Variants in FAM168A observed in about 807,000 individuals in gnomAD.
The protein encoded by FAM168A is protein FAM168A.
In FAM168A, 3 loss-of-function variants were observed where a neutral mutation model predicts 28.5. The observed-to-expected ratio is 0.11, with a 90% CI of 0.05 to 0.27. The LOEUF is 0.27. FAM168A is among the 10% of genes least tolerant of loss of function. FAM168A has a pLI of 1.00. For synonymous variants in FAM168A, 122 were observed against 124.2 expected (o/e 0.98, Z 0.12); for missense variants, 222 against 311.5 (o/e 0.71, Z 2.16).
At chr11:73,572,641 G>C (rs892323696) in intron 1 of FAM168A, among the ~76,000 whole-genome samples, 2 of 149,624 alleles carry the variant, frequency 1.3e-5, no homozygotes, top group African/African-American at 5.0e-5. Flanking sequence ...TAAGGGCGGT[G>C]CAAGATGTGC....
chr11:73,430,753 G>A lies in FAM168A; in HGVS notation c.88C>T (p.Pro30Ser). 6.2e-7 allele frequency: 1 copy of A among 1,613,022 alleles called. No homozygotes were observed. Among genetic ancestry groups the A allele is most frequent in the Non-Finnish European group, 8.5e-7 (1 of 1,179,396 alleles). The change falls in exon 3 of 8, where the codon CCA becomes TCA. Residue 30 changes from proline (P) to serine (S), a missense_variant. Transcript: ENST00000356467. The stretch of plus-strand genomic sequence containing the variant: ...GGATTGTAGGCAGGGGCAGCTGCTG[G>A]ATAGGCTGTGGGGTAACCTACAGAG... ...MAYTGYPTAY[P>S]AAAPAYNPSL...
chr11:73,430,568 G>T, intron 3 of FAM168A, 122 bp downstream of exon 3: 1 of 893,696 alleles, frequency 1.1e-6, no homozygotes, highest in Non-Finnish European at 1.9e-6. Flanking sequence ...GGAAAATCCA[G>T]CCTGGAGAGG....
chr11:73,407,364 A>G (rs1866524589), intron 7 of FAM168A, 149 bp downstream of exon 7: 1 of 525,250 alleles, frequency 1.9e-6, no homozygotes. Context: ...TAAGAGTGAT[A>G]TTATGGACCT....
rs140528802 is a variant in FAM168A, at chr11:73,451,754, G to A, written c.70+16651C>T. Among the ~76,000 whole-genome samples the A allele has an allele frequency of 2.2e-3, 334 of 152,314 alleles. 9 individuals carry two copies. In the East Asian group the frequency reaches 0.05, roughly 23 times the overall value. On this transcript the variant is annotated intron_variant, in intron 2 of 7. Transcript: ENST00000356467. ...TGTGTAAGTAGGCTGTACCATCTAC[G>A]TCTGTGTAAGTACACTCCATTATAT...
At chr11:73,427,902 G>A (rs1348296233) in intron 3 of FAM168A, among the ~76,000 whole-genome samples, 1 of 152,162 alleles carries the variant, frequency 6.6e-6, no homozygotes, top group Non-Finnish European at 1.5e-5. Flanking sequence ...ACCCTGCTCT[G>A]TTATCTTTTG....
At chr11:73,561,562 G>T (rs1026499526) in intron 1 of FAM168A, among the ~76,000 whole-genome samples, 2 of 151,850 alleles carry the variant, frequency 1.3e-5, no homozygotes, top group East Asian at 3.9e-4. Flanking sequence ...TCAATCCCTT[G>T]TGGAATAAAT....
intron 1 of FAM168A, among the ~76,000 whole-genome samples, chr11:73,496,873 T>A (rs900684677): frequency 7.1e-6 from 1 of 140,132 alleles, no homozygotes; most frequent in Non-Finnish European, 1.6e-5. Flanking sequence ...TATGTTCTTA[T>A]CACACACACA....
chr11:73,543,171 G>A (rs567943845), intron 1 of FAM168A, among the ~76,000 whole-genome samples: 56 of 151,490 alleles, frequency 3.7e-4, no homozygotes, highest in Middle Eastern at 6.9e-3. Context: ...TGAAAGCACG[G>A]ACTTTATTTT....
chr11:73,433,643 T>A (rs780391590), intron 2 of FAM168A, among the ~76,000 whole-genome samples: 1 of 152,160 alleles, frequency 6.6e-6, no homozygotes, highest in Non-Finnish European at 1.5e-5. Flanking sequence ...TAATTACATA[T>A]TCTTCAAAAG....
chr11:73,505,493 T>G (rs78983749), intron 1 of FAM168A, among the ~76,000 whole-genome samples: 5,962 of 152,252 alleles, frequency 0.039, 399 homozygotes, highest in African/African-American at 0.14. Flanking sequence ...TATCATTTTA[T>G]TTTGTTGTTA....
intron 1 of FAM168A, among the ~76,000 whole-genome samples, chr11:73,506,918 A>C (rs1160697493): frequency 6.6e-6 from 1 of 152,210 alleles, no homozygotes; most frequent in Admixed American, 6.5e-5. Flanking sequence ...TAATCATTTC[A>C]GAGTTAAGTT....
intron 1 of FAM168A, among the ~76,000 whole-genome samples, chr11:73,596,518 A>G (rs1243176442): frequency 1.3e-5 from 2 of 152,154 alleles, no homozygotes; most frequent in African/African-American, 4.8e-5. Context: ...AATATAAATA[A>G]AACAAACAAA....
At chr11:73,525,722 C>T (rs55764809) in intron 1 of FAM168A, among the ~76,000 whole-genome samples, 6,586 of 152,262 alleles carry the variant, frequency 0.043, 300 homozygotes, top group Admixed American at 0.12. Context: ...CTTTCTGCAA[C>T]TTGCTAAATT....
At chr11:73,520,608 T>A (rs1246709261) in intron 1 of FAM168A, among the ~76,000 whole-genome samples, 1 of 152,130 alleles carries the variant, frequency 6.6e-6, no homozygotes, top group Non-Finnish European at 1.5e-5. Context: ...ATTACATAAA[T>A]CACACCTGAT....
intron 1 of FAM168A, among the ~76,000 whole-genome samples, chr11:73,585,901 AC>A (rs1944308889): frequency 6.7e-6 from 1 of 148,266 alleles, no homozygotes; most frequent in Admixed American, 6.7e-5. Flanking sequence ...AAAGAGATTG[AC>A]CCTTTCCCCA....
At chr11:73,442,651 T>C (rs1054370036) in intron 2 of FAM168A, among the ~76,000 whole-genome samples, 4 of 152,072 alleles carry the variant, frequency 2.6e-5, no homozygotes, top group Non-Finnish European at 4.4e-5. Flanking sequence ...GAACATACTT[T>C]GGTATGAGTT....
At chr11:73,431,864 A>G (rs1287700050) in intron 2 of FAM168A, among the ~76,000 whole-genome samples, 1 of 152,234 alleles carries the variant, frequency 6.6e-6, no homozygotes, top group Non-Finnish European at 1.5e-5. Context: ...TGCAACTATC[A>G]TCACTATTTG....
At chr11:73,593,861 T>C (rs189693430) in intron 1 of FAM168A, among the ~76,000 whole-genome samples, 21 of 152,226 alleles carry the variant, frequency 1.4e-4, no homozygotes, top group African/African-American at 4.3e-4. Context: ...TAGTAAGTGG[T>C]AGACAGACTT....
At chr11:73,589,087 G>T (rs1174703286) in intron 1 of FAM168A, among the ~76,000 whole-genome samples, 2 of 152,128 alleles carry the variant, frequency 1.3e-5, no homozygotes, top group African/African-American at 2.4e-5. Flanking sequence ...ATAAATTTTT[G>T]TTGTTTAAAC....
Sources: gnomAD v4.1 joint callset for allele counts (sites outside exome capture counted in the v4.1 genomes callset) on GRCh38, gnomAD v4.1.1 for gene constraint, MANE v1.5 for transcripts, NCBI Gene and HGNC (gene_info 2026-07-23, HGNC 2026-07-21) for gene names.